RAVER2: variants seen among roughly 807,000 people sequenced by gnomAD.
RAVER2 encodes ribonucleoprotein PTB-binding 2.
RAVER2 carries 46 observed loss-of-function variants against 78.1 expected under a neutral mutation model. The observed-to-expected ratio is 0.59, with a 90% CI of 0.46 to 0.75. The LOEUF is 0.75. Ranked by LOEUF, RAVER2 falls within the 30% of genes least tolerant of loss-of-function variation. The probability of loss-of-function intolerance (pLI) is 0.00; values close to 1 mark genes in which losing one functional copy is unlikely to be tolerated. For missense variants in RAVER2, 793 were observed against 837.5 expected (o/e 0.95, Z 0.66); for synonymous variants, 311 against 313.3 (o/e 0.99, Z 0.08).
chr1:64,774,846 T>C (rs1157478078), intron 2 of RAVER2, among the ~76,000 whole-genome samples: 1 of 152,236 alleles, frequency 6.6e-6, no homozygotes, highest in Non-Finnish European at 1.5e-5. Flanking sequence ...TCCTCTCTTA[T>C]TTCATTGAGC....
chr1:64,785,367 C>CT (rs67544814), intron 4 of RAVER2, among the ~76,000 whole-genome samples: 14,803 of 129,616 alleles, frequency 0.11, 1,134 homozygotes, highest in Admixed American at 0.18. Context: ...CTGTCCCTAA[C>CT]TTTTTTTTTT....
At chr1:64,754,962 G>A (rs1375666975) in intron 1 of RAVER2, among the ~76,000 whole-genome samples, 1 of 152,120 alleles carries the variant, frequency 6.6e-6, no homozygotes, top group Non-Finnish European at 1.5e-5. Context: ...TCAACCATGC[G>A]ACTTCATGTT....
At chr1:64,755,175 A>G (rs1368103779) in intron 1 of RAVER2, among the ~76,000 whole-genome samples, 1 of 152,226 alleles carries the variant, frequency 6.6e-6, no homozygotes, top group Non-Finnish European at 1.5e-5. Context: ...CAAATCAAGA[A>G]TATTATCCAT....
At chr1:64,796,899 G>C (rs1192359785) in intron 5 of RAVER2, among the ~76,000 whole-genome samples, 2 of 151,918 alleles carry the variant, frequency 1.3e-5, no homozygotes, top group African/African-American at 4.8e-5. Context: ...TTCCTTCTAA[G>C]CACTGTATCT....
intron 5 of RAVER2, among the ~76,000 whole-genome samples, chr1:64,796,285 C>T (rs1653094279): frequency 6.6e-6 from 1 of 151,694 alleles, no homozygotes; most frequent in Non-Finnish European, 1.5e-5. Flanking sequence ...ATTATGCTGC[C>T]CTCATGGAAT....
At chr1:64,789,338 T>G in intron 4 of RAVER2, 50 bp from the exon 5 acceptor site, 1 of 1,472,720 alleles carries the variant, frequency 6.8e-7, no homozygotes, top group Non-Finnish European at 9.1e-7. Flanking sequence ...TGAAATTGTG[T>G]CTTTGTACTT....
At chr1:64,821,389 G>T (rs1653884153) in intron 11 of RAVER2, among the ~76,000 whole-genome samples, 1 of 152,076 alleles carries the variant, frequency 6.6e-6, no homozygotes, top group Admixed American at 6.6e-5. Context: ...GCTTGCAGAG[G>T]CTCTTAATTA....
chr1:64,812,697 A>C (rs377754905), intron 9 of RAVER2, 41 bp from the exon 10 acceptor site: 1 of 1,296,254 alleles, frequency 7.7e-7, no homozygotes, highest in Non-Finnish European at 1.1e-6. Flanking sequence ...ATTTTCGTGT[A>C]CCTCTCATTA....
intron 11 of RAVER2, among the ~76,000 whole-genome samples, chr1:64,820,952 T>C (rs571401133): frequency 6.6e-6 from 1 of 152,324 alleles, no homozygotes; most frequent in Non-Finnish European, 1.5e-5. Context: ...TAATGGTAAT[T>C]CTGTTTTTAG....
intron 1 of RAVER2, among the ~76,000 whole-genome samples, chr1:64,757,200 T>G (rs1261470733): frequency 6.6e-6 from 1 of 152,232 alleles, no homozygotes; most frequent in Non-Finnish European, 1.5e-5. Context: ...AACAGGACAT[T>G]GCAGCTTATT....
Position 64,807,396 on chromosome 1 carries a change from C to T in RAVER2, c.1602C>T (p.Asn534=), listed in dbSNP as rs771906326. 8 of 1,614,170 alleles carry T rather than the reference C, an allele frequency of 5.0e-6. No homozygotes were observed. The South Asian group carries it at 8.8e-5, about 18-fold the overall frequency. Residue 534 remains asparagine (N), a synonymous_variant, in exon 9 of 12, where the codon AAC becomes AAT. Coordinates refer to ENST00000294428, the Ensembl canonical transcript of RAVER2. ...AGCCTTATCTTCAGAGCTTTCCAAA[C>T]CTTGCTGCTGGAAGCTTGCTGGTGG... is the stretch of plus-strand genomic sequence containing the variant.
intron 1 of RAVER2, among the ~76,000 whole-genome samples, chr1:64,748,989 T>TG (rs1651620180): frequency 6.6e-6 from 1 of 151,952 alleles, no homozygotes; most frequent in Admixed American, 6.6e-5. Flanking sequence ...TAAGCCACCA[T>TG]GCCAGGCTAA....
chr1:64,799,538 G>T (rs940495464), intron 5 of RAVER2, among the ~76,000 whole-genome samples: 3 of 152,184 alleles, frequency 2.0e-5, no homozygotes, highest in African/African-American at 7.2e-5. Flanking sequence ...TGCCTCCTGA[G>T]TTCAAGCGAT....
chr1:64,776,019 C>CAA (rs34578439), intron 2 of RAVER2, among the ~76,000 whole-genome samples: 128 of 87,338 alleles, frequency 1.5e-3, no homozygotes, highest in African/African-American at 2.5e-3. Context: ...ACTCTTGTCT[C>CAA]AAAAAAAAAA....
intron 8 of RAVER2, among the ~76,000 whole-genome samples, chr1:64,806,107 T>G (rs1653411046): frequency 6.6e-6 from 1 of 152,244 alleles, no homozygotes; most frequent in Non-Finnish European, 1.5e-5. Context: ...TATAAAATGG[T>G]AAATCTGACT....
rs1228706894 is a variant in RAVER2 at position 64,804,723 on chromosome 1, C to G, written c.1192-11C>G. 1 of 1,305,546 alleles carries G rather than the reference C, an allele frequency of 7.7e-7. No homozygotes were observed. Among genetic ancestry groups the G allele is most frequent in the Non-Finnish European group, 1.1e-6 (1 of 916,242 alleles). 80.9% of individuals were successfully genotyped at this position (1,305,546 alleles called of 1,614,324 possible). On this transcript the variant is annotated splice_polypyrimidine_tract_variant and intron_variant, in intron 6 of 11. Transcript: ENST00000294428. ...CAAAATTAAACTGACAACGTTTTGT[C>G]ATTTTCACAGAGCTCAGTTATGGGT...
intron 1 of RAVER2, among the ~76,000 whole-genome samples, chr1:64,747,010 ATAT>A (rs1226515898): frequency 1.3e-5 from 2 of 152,258 alleles, no homozygotes; most frequent in African/African-American, 4.8e-5. Flanking sequence ...AATTCTAAAT[ATAT>A]TTAGACCCCA....
chr1:64,775,039 G>A (rs186503525), intron 2 of RAVER2, among the ~76,000 whole-genome samples: 19 of 152,198 alleles, frequency 1.2e-4, no homozygotes, highest in Admixed American at 5.2e-4. Context: ...ATCCTGAGAC[G>A]TTGCTGAAGT....
intron 5 of RAVER2, among the ~76,000 whole-genome samples, chr1:64,795,832 T>C (rs529762275): frequency 3.3e-5 from 5 of 152,170 alleles, no homozygotes; most frequent in African/African-American, 1.2e-4. Flanking sequence ...ATTCCAATTG[T>C]GCATAGAACT....
Sources: gnomAD v4.1 joint callset for allele counts (sites outside exome capture counted in the v4.1 genomes callset) on GRCh38, gnomAD v4.1.1 for gene constraint, MANE v1.5 for transcripts, NCBI Gene and HGNC (gene_info 2026-07-23, HGNC 2026-07-21) for gene names.